Variants in SYNE1 observed in about 807,000 individuals in gnomAD.
SYNE1 encodes the protein spectrin repeat containing nuclear envelope protein 1.
A neutral mutation model predicts 1,111.0 loss-of-function variants in SYNE1; 616 were observed. The observed-to-expected ratio is 0.55, with a 90% confidence interval of 0.52 to 0.59. The LOEUF (loss-of-function observed/expected upper bound fraction) is 0.59. Among genes scored for constraint, SYNE1 ranks in the 20% least tolerant of loss-of-function variants. The probability of loss-of-function intolerance (pLI) is 0.00; values close to 1 mark genes in which losing one functional copy is unlikely to be tolerated. For missense variants in SYNE1, 10,006 were observed against 10,417.0 expected (o/e 0.96, Z 1.72); for synonymous variants, 3,855 against 3,825.8 (o/e 1.01, Z -0.28).
intron 99 of SYNE1, among the ~76,000 whole-genome samples, chr6:152,268,908 A>G (rs2092966260): frequency 6.6e-6 from 1 of 152,230 alleles, no homozygotes. Flanking sequence ...AGAAGATGAG[A>G]GCCATGTTAC....
At chr6:152,314,051 TCTC>T (rs2095635681) in intron 87 of SYNE1, among the ~76,000 whole-genome samples, 1 of 152,326 alleles carries the variant, frequency 6.6e-6, no homozygotes, top group African/African-American at 2.4e-5. Context: ...GACTTTGTCT[TCTC>T]CTCCTAATCT....
At chr6:152,209,754 A>G (rs940060757) in intron 124 of SYNE1, among the ~76,000 whole-genome samples, 7 of 147,594 alleles carry the variant, frequency 4.7e-5, no homozygotes, top group Admixed American at 4.2e-4. Flanking sequence ...TGTCTCAAAA[A>G]AGAAAAAAAA....
At position 152,427,741 on chromosome 6, in the gene SYNE1, G is replaced by T. The variant is rs139608985; in HGVS notation, c.5052C>A (p.Asp1684Glu). Residue 1684 changes from aspartate (D) to glutamate (E), a missense_variant, in exon 38 of 146, where the codon GAC becomes GAA. This residue lies in a region of SYNE1 where 1,971 missense variants were observed against 2,084.1 expected (regional missense o/e 0.95). Transcript: ENST00000367255. ...CCACTTTGACTCTGTCTGCAGAAAT[G>T]TCCATTTCTGGGGAACTGGCTTTAG... ...GEAKASSPEM[D>E]ISADRVKVEG... The T allele has an allele frequency of 3.7e-6, 6 of 1,613,966 alleles. No homozygotes were observed. The African/African-American group carries it at 8.0e-5, about 22-fold the overall frequency.
Position 152,236,861 on chromosome 6 carries a change from C to G in SYNE1, c.20155G>C (p.Glu6719Gln), listed in dbSNP as rs1268264863. Reference sequence around the variant, plus strand: ...TCAATAAGCCTGTCCTCGTTCTCCTCCACCAGACCCACGCTTGGGATGCTG... The same window carrying G: ...TCAATAAGCCTGTCCTCGTTCTCCTGCACCAGACCCACGCTTGGGATGCTG... ...ESSIPSVGLV[E>Q]ENEDRLIDRI... is the part of the protein sequence containing the mutation. Residue 6719 changes from glutamate (E) to glutamine (Q), a missense_variant, in exon 109 of 146, where the codon GAG becomes CAG. Physicochemically the swap from Glu to Gln is conservative, Grantham distance 29. Coordinates refer to ENST00000367255, the MANE Select transcript of SYNE1 (RefSeq NM_182961.4). 1 of 1,614,190 alleles carries G rather than the reference C, an allele frequency of 6.2e-7. No individual in the cohort carries two copies. Among genetic ancestry groups the G allele is most frequent in the Non-Finnish European group, 8.5e-7 (1 of 1,180,032 alleles).
intron 28 of SYNE1, among the ~76,000 whole-genome samples, chr6:152,448,606 C>T (rs2098615900): frequency 6.6e-6 from 1 of 152,148 alleles, no homozygotes; most frequent in South Asian, 2.1e-4. Flanking sequence ...CTTTGGGAGG[C>T]CGAGCAGGGC....
chr6:152,147,830 G>A (rs2059785179), intron 137 of SYNE1: 1 of 564,324 alleles, frequency 1.8e-6, no homozygotes, highest in Admixed American at 2.9e-5. Flanking sequence ...CAAAGCGCTT[G>A]TCACCTACTA....
chr6:152,140,234 G>A, intron 139 of SYNE1, 73 bp from the exon 140 acceptor site: 3 of 1,486,066 alleles, frequency 2.0e-6, no homozygotes, highest in Admixed American at 3.4e-5. Context: ...TTTAAACATA[G>A]GTTGGCAGCC....
At position 152,136,831 on chromosome 6, in the gene SYNE1, A is replaced by G. The variant is rs1298179504; in HGVS notation, c.25459-13T>C. On this transcript the variant is annotated splice_polypyrimidine_tract_variant and intron_variant, in intron 140 of 145. Transcript: ENST00000367255. ...CTTTCTGGAGCTCCTGAAAAGAACA[A>G]AAAAGACAATCAAACAAGGACAATA... The G allele has an allele frequency of 6.2e-7, 1 of 1,613,530 alleles. No homozygotes were observed. The highest frequency in any genetic ancestry group is 8.5e-7 in the Non-Finnish European group (1 of 1,179,412).
intron 65 of SYNE1, among the ~76,000 whole-genome samples, 186 bp downstream of exon 65, chr6:152,359,129 C>T (rs919147559): frequency 6.6e-6 from 1 of 152,132 alleles, no homozygotes; most frequent in Non-Finnish European, 1.5e-5. Flanking sequence ...TCATAGCTTT[C>T]ATAATACTAA....
intron 3 of SYNE1, among the ~76,000 whole-genome samples, chr6:152,620,700 T>C (rs999367345): frequency 6.6e-6 from 1 of 152,210 alleles, no homozygotes; most frequent in African/African-American, 2.4e-5. Flanking sequence ...ACCCATCATC[T>C]GTCTCTTGAC....
chr6:152,398,585 T>G, intron 49 of SYNE1, 34 bp downstream of exon 49: 1 of 1,579,744 alleles, frequency 6.3e-7, no homozygotes, highest in Non-Finnish European at 8.7e-7. Flanking sequence ...GAGTACATTT[T>G]GGGGAAGAAG....
At chr6:152,616,465 A>G (rs2099649674) in intron 3 of SYNE1, among the ~76,000 whole-genome samples, 1 of 152,108 alleles carries the variant, frequency 6.6e-6, no homozygotes, top group African/African-American at 2.4e-5. Context: ...CATCCCAGCT[A>G]CTTGGGAGGC....
chr6:152,584,271 A>G (rs2099530102), intron 3 of SYNE1, among the ~76,000 whole-genome samples: 1 of 152,178 alleles, frequency 6.6e-6, no homozygotes, highest in South Asian at 2.1e-4. Flanking sequence ...AGAGAGAGAC[A>G]GAGAGAAAGA....
chr6:152,541,104 T>C (rs1449635786), intron 3 of SYNE1, among the ~76,000 whole-genome samples: 3 of 152,164 alleles, frequency 2.0e-5, no homozygotes. Context: ...GGAACTAATA[T>C]AGAAAGGAAA....
At chr6:152,185,710 G>T (rs1425462586) in intron 128 of SYNE1, among the ~76,000 whole-genome samples, 1 of 152,202 alleles carries the variant, frequency 6.6e-6, no homozygotes, top group African/African-American at 2.4e-5. Flanking sequence ...CCTCACAGGT[G>T]CAAGTTATTA....
chr6:152,337,596 AAT>A (rs2096430393), intron 75 of SYNE1, among the ~76,000 whole-genome samples: 2 of 152,184 alleles, frequency 1.3e-5, no homozygotes, highest in South Asian at 2.1e-4. Context: ...GCGAAACTCT[AAT>A]AAGTTTTATC....
At chr6:152,168,172 C>T in intron 130 of SYNE1, 1 of 775,138 alleles carries the variant, frequency 1.3e-6, no homozygotes, top group South Asian at 1.3e-5. Flanking sequence ...CCTCTGCCAT[C>T]CTCAGGGCAC....
In SYNE1 at chr6:152,242,413, T is replaced by C. The variant is rs372905952; in HGVS notation, c.19720A>G (p.Ile6574Val). 1.9e-6 allele frequency: 3 copies of C among 1,613,952 alleles called. No individual in the cohort carries two copies. Among genetic ancestry groups the C allele is most frequent in the African/African-American group, 2.7e-5 (2 of 74,896 alleles). The change falls in exon 107 of 146, where the codon ATT becomes GTT. Residue 6574 changes from isoleucine to valine, a missense_variant. Physicochemically the swap from Ile to Val is conservative, Grantham distance 29. Around this residue, in one of 7 missense-constraint regions of SYNE1, gnomAD observed 2,182 missense variants for 2,287.8 expected, o/e 0.95. Coordinates refer to ENST00000367255, the MANE Select transcript of SYNE1 (RefSeq NM_182961.4). Reference protein sequence around the residue: ...QDMYDELMMIIGSRRSGLNQN... With the variant: ...QDMYDELMMIVGSRRSGLNQN... ...TTCAGACCACTCCTCCGGGAGCCAA[T>C]GATCATCATCAGCTCATCATACATG... is the stretch of plus-strand genomic sequence containing the variant.
chr6:152,381,272 C>T lies in SYNE1; in HGVS notation c.8743G>A (p.Gly2915Arg), dbSNP rs749713657. 4.3e-6 allele frequency: 7 copies of T among 1,614,234 alleles called. No homozygotes were observed. Among genetic ancestry groups the T allele is most frequent in the Non-Finnish European group, 5.9e-6 (7 of 1,180,052 alleles). The change falls in exon 56 of 146, where the codon GGG (glycine) becomes AGG (arginine). Residue 2915 changes from glycine to arginine, a missense_variant. Around this residue, in one of 7 missense-constraint regions of SYNE1, gnomAD observed 4,955 missense variants for 5,017.2 expected, o/e 0.99. Transcript: ENST00000367255. Reference sequence around the variant, plus strand: ...ATCTCCGTGTGCATGAGCTCACACCCACTGGCAGTTGTGTTCTGTTTCACT... The same window carrying T: ...ATCTCCGTGTGCATGAGCTCACACCTACTGGCAGTTGTGTTCTGTTTCACT... Reference protein sequence around the residue: ...PEVKQNTTASGCELMHTEMQA... With the variant: ...PEVKQNTTASRCELMHTEMQA...
Sources: gnomAD v4.1 joint callset for allele counts (sites outside exome capture counted in the v4.1 genomes callset) on GRCh38, gnomAD v4.1.1 for gene constraint, gnomAD v4.1.1 regional missense constraint, MANE v1.5 for transcripts, NCBI Gene and HGNC (gene_info 2026-07-23, HGNC 2026-07-21) for gene names.